The following RAP1B variants were observed in gnomAD, a reference collection of about 807,000 sequenced individuals.
The protein encoded by RAP1B is RAP1B, member of RAS oncogene family, also known as ras-related protein Rap-1b.
In RAP1B, 1 loss-of-function variant was observed where a neutral mutation model predicts 27.5. That is an observed-to-expected ratio of 0.04 (90% CI 0.01 to 0.17). RAP1B has a LOEUF of 0.17. Ranked by LOEUF, RAP1B falls within the 10% of genes least tolerant of loss-of-function variation. The pLI is 1.00. For missense variants in RAP1B, 84 were observed against 214.8 expected (o/e 0.39, Z 3.81); for synonymous variants, 75 against 73.1 (o/e 1.03, Z -0.13).
At chr12:68,633,863 C>G (rs1454794731) in intron 1 of RAP1B, among the ~76,000 whole-genome samples, 1 of 152,054 alleles carries the variant, frequency 6.6e-6, no homozygotes, top group Non-Finnish European at 1.5e-5. Flanking sequence ...CAGTAAGACT[C>G]TGTCTCAAAA....
chr12:68,652,063 T>C lies in RAP1B; in HGVS notation c.183+12T>C, dbSNP rs1220812922. The C allele has an allele frequency of 6.3e-7, 1 of 1,597,784 alleles. No homozygotes were observed. On this transcript the variant is annotated intron_variant, in intron 4 of 7. Coordinates refer to ENST00000250559, the MANE Select transcript of RAP1B (RefSeq NM_001010942.3). ...ATACTGCAGGAACGGTAGGTAAAAC[T>C]AAATACCAAAGTATATACACCGTTT...
intron 7 of RAP1B, among the ~76,000 whole-genome samples, chr12:68,658,881 A>AG (rs1874420637): frequency 6.6e-6 from 1 of 152,220 alleles, no homozygotes; most frequent in African/African-American, 2.4e-5. Flanking sequence ...GTACATTACG[A>AG]TTGTGTAAAC....
chr12:68,649,548 A>G (rs993224517), intron 2 of RAP1B: 7 of 152,132 alleles, frequency 4.6e-5, no homozygotes, highest in African/African-American at 1.7e-4. Flanking sequence ...AGGGAAAATA[A>G]TTTGATGAAT....
intron 1 of RAP1B, among the ~76,000 whole-genome samples, chr12:68,636,032 C>T (rs1170949302): frequency 6.6e-6 from 1 of 151,816 alleles, no homozygotes; most frequent in Non-Finnish European, 1.5e-5. Context: ...GCGCCCGCCA[C>T]CACATTCGAG....
intron 1 of RAP1B, among the ~76,000 whole-genome samples, chr12:68,616,447 T>TC (rs1325448024): frequency 7.2e-6 from 1 of 138,110 alleles, no homozygotes; most frequent in Non-Finnish European, 1.6e-5. Flanking sequence ...AATTTTTTTT[T>TC]TTTTTTTTTT....
rs947303911 is a variant in RAP1B at position 68,670,919 on chromosome 12, T to G, written c.*11670T>G. The G allele has an allele frequency of 1.3e-5, 2 of 150,248 alleles. No homozygotes were observed. Among genetic ancestry groups the G allele is most frequent in the African/African-American group, 4.9e-5 (2 of 40,626 alleles). The allele number at this position is 150,248 out of a possible 1,614,324, so 9.3% of individuals were successfully genotyped here. ...GGTGCATGCCTGTAATCCTAGCTAC[T>G]CAGGAGGCTGAGGCAGGAGAATTGC... On this transcript the variant is annotated 3_prime_UTR_variant, in exon 8 of 8. Transcript: ENST00000250559.
chr12:68,640,859 T>C (rs1001665498), intron 1 of RAP1B, among the ~76,000 whole-genome samples: 5 of 152,218 alleles, frequency 3.3e-5, no homozygotes, highest in Admixed American at 6.5e-5. Context: ...AAGACCAGTT[T>C]TTATTTTCTT....
rs913777628 is a variant in RAP1B, at chr12:68,668,168, C to CT, written c.*8923dup. 1.3e-5 allele frequency: 2 copies of CT among 152,184 alleles called. No homozygotes were observed. Among genetic ancestry groups the CT allele is most frequent in the African/African-American group, 4.8e-5 (2 of 41,440 alleles). 9.4% of individuals were successfully genotyped at this position (152,184 alleles called of 1,614,324 possible). A position where few individuals can be genotyped will look rare whatever the true frequency, so the allele number is the denominator to read the frequency against. ...GGTTGCCCTAGGCCCCCCGTCAAGG[C>CT]TTTTGTTCAAGGGAGAGTAAAGAGG... On this transcript the variant is annotated 3_prime_UTR_variant, in exon 8 of 8. Coordinates refer to ENST00000250559, the MANE Select transcript of RAP1B (RefSeq NM_001010942.3).
chr12:68,613,360 C>A (rs1870749711), intron 1 of RAP1B, among the ~76,000 whole-genome samples: 1 of 143,044 alleles, frequency 7.0e-6, no homozygotes, highest in Admixed American at 7.3e-5. Flanking sequence ...TACTGTACTG[C>A]AGCCTGGGTG....
intron 1 of RAP1B, among the ~76,000 whole-genome samples, chr12:68,617,319 C>T (rs897011761): frequency 1.3e-5 from 2 of 152,110 alleles, no homozygotes; most frequent in East Asian, 3.8e-4. Flanking sequence ...CTACATTGTG[C>T]CAACATATTT....
chr12:68,646,802 C>G (rs1345607070), intron 1 of RAP1B, among the ~76,000 whole-genome samples: 1 of 152,182 alleles, frequency 6.6e-6, no homozygotes, highest in Non-Finnish European at 1.5e-5. Context: ...TCTGTTTGTA[C>G]AAGTAGCCTC....
At position 68,610,903 on chromosome 12, in the gene RAP1B, T is replaced by A; in HGVS notation, c.-167T>A. ...CTGAACGCCTGACGTCAAGGCGACA[T>A]CGCCAAACCTCGCCCAGATTCAGGC... On this transcript the variant is annotated 5_prime_UTR_variant, in exon 1 of 8. Coordinates refer to ENST00000250559, the MANE Select transcript of RAP1B (RefSeq NM_001010942.3). 1 of 284,288 alleles carries A rather than the reference T, an allele frequency of 3.5e-6. No homozygotes were observed. Among genetic ancestry groups the A allele is most frequent in the Non-Finnish European group, 6.6e-6 (1 of 152,116 alleles). 17.6% of individuals were successfully genotyped at this position (284,288 alleles called of 1,614,324 possible). A position where few individuals can be genotyped will look rare whatever the true frequency, so the allele number is the denominator to read the frequency against.
chr12:68,613,496 C>G (rs1228251256), intron 1 of RAP1B, among the ~76,000 whole-genome samples: 1 of 151,926 alleles, frequency 6.6e-6, no homozygotes, highest in Admixed American at 6.6e-5. Context: ...CCTTCTATGA[C>G]ACGCATTACT....
chr12:68,664,481 G>A lies in RAP1B; in HGVS notation c.*5232G>A, dbSNP rs146427097. On this transcript the variant is annotated 3_prime_UTR_variant, in exon 8 of 8. Coordinates refer to ENST00000250559, the MANE Select transcript of RAP1B (RefSeq NM_001010942.3). ...CCAATGCTTTGGGAGGCCGAGATGG[G>A]TGGATCACTGGAAGCCAGGAGTTTG... The A allele has an allele frequency of 6.6e-6, 1 of 152,314 alleles. No individual in the cohort carries two copies. Among genetic ancestry groups the A allele is most frequent in the Non-Finnish European group, 1.5e-5 (1 of 68,084 alleles). 9.4% of individuals were successfully genotyped at this position (152,314 alleles called of 1,614,324 possible).
intron 1 of RAP1B, among the ~76,000 whole-genome samples, chr12:68,639,607 T>G (rs1872852633): frequency 6.6e-6 from 1 of 152,198 alleles, no homozygotes; most frequent in African/African-American, 2.4e-5. Flanking sequence ...ATCTGTGTTG[T>G]TTTTGCTACA....
intron 1 of RAP1B, among the ~76,000 whole-genome samples, chr12:68,620,131 C>G (rs1039863485): frequency 4.7e-5 from 7 of 150,092 alleles, no homozygotes; most frequent in African/African-American, 1.5e-4. Context: ...AAAAACACAC[C>G]TGTAGAATGA....
At position 68,669,638 on chromosome 12, in the gene RAP1B, T is replaced by C. The variant is rs1466125155; in HGVS notation, c.*10389T>C. 6.6e-6 allele frequency: 1 copy of C among 152,126 alleles called. No individual in the cohort carries two copies. The highest frequency in any genetic ancestry group is 1.5e-5 in the Non-Finnish European group (1 of 68,130). 9.4% of individuals were successfully genotyped at this position (152,126 alleles called of 1,614,324 possible). On this transcript the variant is annotated 3_prime_UTR_variant, in exon 8 of 8. Coordinates refer to ENST00000250559, the MANE Select transcript of RAP1B (RefSeq NM_001010942.3). ...TAACATGGTGAAACCCCGTCTCTAC[T>C]AAAAATACAAAAATTAGCCAGGCAT...
At position 68,628,416 on chromosome 12, in the gene RAP1B, C is replaced by G. The variant is rs556609005; in HGVS notation, c.-27+17373C>G. Among the ~76,000 whole-genome samples, 58 of 152,322 alleles carry G rather than the reference C, an allele frequency of 3.8e-4. 2 individuals are homozygous for G. In the East Asian group the frequency reaches 0.011, roughly 28 times the overall value. ...CTATGTTAGCTTCCAACTTCATTCT[C>G]TAGTTTTCCACAGTAATTTTGTAAG... On this transcript the variant is annotated intron_variant, in intron 1 of 7. Transcript: ENST00000250559.
intron 1 of RAP1B, among the ~76,000 whole-genome samples, chr12:68,629,901 A>T (rs1872112042): frequency 2.0e-5 from 3 of 152,184 alleles, no homozygotes; most frequent in Non-Finnish European, 4.4e-5. Context: ...TTTTGCAACT[A>T]ATTAATTCAT....
Sources: gnomAD v4.1 joint callset for allele counts (sites outside exome capture counted in the v4.1 genomes callset) on GRCh38, gnomAD v4.1.1 for gene constraint, MANE v1.5 for transcripts, NCBI Gene and HGNC (gene_info 2026-07-23, HGNC 2026-07-21) for gene names.